Variants in ASTN2 observed in about 807,000 individuals in gnomAD.
The protein encoded by ASTN2 is astrotactin 2.
In ASTN2, 54 loss-of-function variants were observed where a neutral mutation model predicts 139.8. That is an observed-to-expected ratio of 0.39 (90% CI 0.31 to 0.48). ASTN2 has a LOEUF of 0.48. Among genes scored for constraint, ASTN2 ranks in the 20% least tolerant of loss-of-function variants. The pLI is 0.95. For synonymous variants in ASTN2, 756 were observed against 719.5 expected (o/e 1.05, Z -0.81); for missense variants, 1,565 against 1,725.1 (o/e 0.91, Z 1.64).
In ASTN2 at chr9:116,948,799, T is replaced by TTTTTTTTTTTTTTTTTG. The variant is rs1339498245; in HGVS notation, c.1889+26408_1889+26409insCAAAAAAAAAAAAAAAA. 1.1e-3 allele frequency among the ~76,000 whole-genome samples: 136 copies of TTTTTTTTTTTTTTTTTG among 127,120 alleles called. 4 individuals are homozygous for TTTTTTTTTTTTTTTTTG. Among genetic ancestry groups the TTTTTTTTTTTTTTTTTG allele is most frequent in the Non-Finnish European group, 1.7e-3 (106 of 60,784 alleles). 83.4% of individuals were successfully genotyped at this position (127,120 alleles called of 152,430 possible). On this transcript the variant is annotated intron_variant, in intron 10 of 22. Coordinates refer to ENST00000313400, the MANE Select transcript of ASTN2 (RefSeq NM_001365068.1). Reference sequence around the variant, plus strand: ...AATAATTTGGTGTTTTTTTTTTTTTTTTTTTTTTTTTGAGAAGGAGTCTCA... The same window carrying TTTTTTTTTTTTTTTTTG: ...AATAATTTGGTGTTTTTTTTTTTTTTTTTTTTTTTTTTTTTTGTTTTTTTTTTTGAGAAGGAGTCTCA...
chr9:116,850,975 G>A (rs1832582811), intron 11 of ASTN2, among the ~76,000 whole-genome samples: 1 of 152,158 alleles, frequency 6.6e-6, no homozygotes. Flanking sequence ...ATAGACTATG[G>A]ACTCTTTGCT....
chr9:117,312,639 C>A (rs982974604), intron 1 of ASTN2, among the ~76,000 whole-genome samples: 1 of 152,084 alleles, frequency 6.6e-6, no homozygotes, highest in Non-Finnish European at 1.5e-5. Flanking sequence ...CCCTGAAATG[C>A]CTGAGGTTTG....
chr9:117,299,498 C>G (rs991935033), intron 1 of ASTN2, among the ~76,000 whole-genome samples: 5 of 152,158 alleles, frequency 3.3e-5, no homozygotes, highest in African/African-American at 1.2e-4. Context: ...CAACAAATGG[C>G]TGTGTGGCAA....
intron 5 of ASTN2, among the ~76,000 whole-genome samples, chr9:117,054,547 C>T (rs1839002849): frequency 6.6e-6 from 1 of 152,122 alleles, no homozygotes; most frequent in Non-Finnish European, 1.5e-5. Flanking sequence ...ATCCTTAATC[C>T]AGATTCAGGG....
At chr9:116,638,600 G>T (rs969783505) in intron 17 of ASTN2, among the ~76,000 whole-genome samples, 1 of 151,144 alleles carries the variant, frequency 6.6e-6, no homozygotes, top group Non-Finnish European at 1.5e-5. Context: ...AGAAATACAA[G>T]GCCAGATAAG....
intron 3 of ASTN2, among the ~76,000 whole-genome samples, chr9:117,163,005 G>A (rs576268011): frequency 1.3e-5 from 2 of 152,126 alleles, no homozygotes; most frequent in East Asian, 3.9e-4. Context: ...ATGTCTACCG[G>A]GATCACTGAA....
intron 3 of ASTN2, among the ~76,000 whole-genome samples, chr9:117,147,198 A>G (rs1564449285): frequency 6.6e-6 from 1 of 152,164 alleles, no homozygotes; most frequent in Admixed American, 6.5e-5. Flanking sequence ...TGATACTCAA[A>G]AACTGTACAC....
At chr9:116,614,244 C>A (rs1365308670) in intron 19 of ASTN2, among the ~76,000 whole-genome samples, 3 of 152,202 alleles carry the variant, frequency 2.0e-5, no homozygotes, top group Non-Finnish European at 4.4e-5. Flanking sequence ...AATGGAAGAA[C>A]ATTCCATGCT....
chr9:117,201,534 T>C (rs1249500324), intron 3 of ASTN2, among the ~76,000 whole-genome samples: 1 of 152,186 alleles, frequency 6.6e-6, no homozygotes, highest in East Asian at 1.9e-4. Flanking sequence ...TTCTGGTATG[T>C]TGTCTTTTTG....
chr9:117,036,695 C>T (rs1397286307), intron 6 of ASTN2, among the ~76,000 whole-genome samples: 1 of 152,160 alleles, frequency 6.6e-6, no homozygotes, highest in Non-Finnish European at 1.5e-5. Context: ...ATCTGTCTAT[C>T]CTGCTTACAC....
At chr9:116,961,070 T>C (rs1835862956) in intron 10 of ASTN2, among the ~76,000 whole-genome samples, 1 of 152,114 alleles carries the variant, frequency 6.6e-6, no homozygotes. Context: ...TTCCAGGGAC[T>C]CTGCAACTAG....
intron 19 of ASTN2, among the ~76,000 whole-genome samples, chr9:116,574,784 C>T (rs550627676): frequency 6.6e-4 from 100 of 152,342 alleles, no homozygotes; most frequent in African/African-American, 2.4e-3. Context: ...TCAGATGTAT[C>T]AGGGCAACAT....
intron 7 of ASTN2, among the ~76,000 whole-genome samples, chr9:117,003,354 G>A (rs1251924806): frequency 1.3e-5 from 2 of 152,094 alleles, no homozygotes; most frequent in Non-Finnish European, 2.9e-5. Flanking sequence ...ACCTGCTGAG[G>A]TTTCAGAAGC....
chr9:116,561,714 G>C (rs1156895450), intron 19 of ASTN2, among the ~76,000 whole-genome samples: 3 of 152,186 alleles, frequency 2.0e-5, no homozygotes, highest in Non-Finnish European at 4.4e-5. Context: ...GTATCAAGCT[G>C]CATCTATTAC....
intron 2 of ASTN2, among the ~76,000 whole-genome samples, chr9:117,247,967 C>A (rs1176452751): frequency 6.6e-6 from 1 of 152,188 alleles, no homozygotes; most frequent in Non-Finnish European, 1.5e-5. Context: ...CTCAGCGACC[C>A]CTGCACAGTG....
chr9:117,338,896 C>T (rs1307369436), intron 1 of ASTN2, among the ~76,000 whole-genome samples: 1 of 152,138 alleles, frequency 6.6e-6, no homozygotes, highest in Non-Finnish European at 1.5e-5. Context: ...CCAGACCTCA[C>T]AGCTGTGTGC....
intron 5 of ASTN2, among the ~76,000 whole-genome samples, chr9:117,070,792 T>C (rs1157354657): frequency 6.6e-6 from 1 of 151,948 alleles, no homozygotes; most frequent in Non-Finnish European, 1.5e-5. Flanking sequence ...TTTCTTCCAG[T>C]TGATCGCATC....
At chr9:117,298,772 C>T (rs1331170115) in intron 1 of ASTN2, among the ~76,000 whole-genome samples, 1 of 149,534 alleles carries the variant, frequency 6.7e-6, no homozygotes, top group Non-Finnish European at 1.5e-5. Context: ...CAGCTGACTT[C>T]CCTTATTGGA....
intron 4 of ASTN2, among the ~76,000 whole-genome samples, chr9:117,134,304 AC>A (rs2132844688): frequency 1.8e-5 from 1 of 55,516 alleles, no homozygotes; most frequent in South Asian, 5.5e-4. Context: ...ATACACACAC[AC>A]ACACACACAC....
Sources: gnomAD v4.1 joint callset for allele counts (sites outside exome capture counted in the v4.1 genomes callset) on GRCh38, gnomAD v4.1.1 for gene constraint, MANE v1.5 for transcripts, NCBI Gene and HGNC (gene_info 2026-07-23, HGNC 2026-07-21) for gene names.